EDA: variants seen among roughly 807,000 people sequenced by gnomAD.
EDA encodes ectodysplasin A, also known as ectodysplasin-A.
In EDA, 2 loss-of-function variants were observed where a neutral mutation model predicts 23.6. The ratio of observed to expected loss-of-function variants is 0.08; its 90% confidence interval spans 0.03 to 0.27. EDA has a LOEUF of 0.27. Among genes scored for constraint, EDA ranks in the 10% least tolerant of loss-of-function variants. The pLI is 1.00. For synonymous variants in EDA, 131 were observed against 132.0 expected, an observed-to-expected ratio of 0.99 and a Z score of 0.05; for missense variants, 229 against 324.2, an observed-to-expected ratio of 0.71 and a Z score of 2.26.
At chrX:69,769,043 G>A (rs889081203) in intron 1 of EDA, among the ~76,000 whole-genome samples, 1 of 111,650 alleles carries the variant, frequency 9.0e-6, no homozygotes, top group African/African-American at 3.3e-5. Flanking sequence ...TGGTAATGGA[G>A]CATTCTTTGT....
chrX:70,006,948 A>C (rs1312040270), intron 2 of EDA, among the ~76,000 whole-genome samples: 1 of 110,961 alleles, frequency 9.0e-6, no homozygotes, highest in African/African-American at 3.3e-5. Flanking sequence ...TTTTTGTCAA[A>C]GTTGTCTAGA....
intron 1 of EDA, among the ~76,000 whole-genome samples, chrX:69,940,017 A>G (rs2018733552): frequency 9.0e-6 from 1 of 111,099 alleles, no homozygotes; most frequent in African/African-American, 3.3e-5. Context: ...TTTTGTATCA[A>G]TGTTTATCAG....
intron 1 of EDA, among the ~76,000 whole-genome samples, chrX:69,867,448 T>A (rs766784538): frequency 8.9e-6 from 1 of 112,412 alleles, no homozygotes; most frequent in South Asian, 3.7e-4. Context: ...AATTTTCCAA[T>A]CATGCTTCTT....
At chrX:69,965,229 A>G (rs1463139443) in intron 2 of EDA, among the ~76,000 whole-genome samples, 2 of 111,785 alleles carry the variant, frequency 1.8e-5, no homozygotes, top group African/African-American at 3.3e-5. Context: ...GAGAATATAC[A>G]TGTTGGAAGG....
intron 1 of EDA, among the ~76,000 whole-genome samples, chrX:69,830,914 G>A (rs1021505432): frequency 9.0e-6 from 1 of 111,300 alleles, no homozygotes; most frequent in African/African-American, 3.3e-5. Context: ...AGAGTAGAGG[G>A]TTCCATAGCC....
intron 1 of EDA, among the ~76,000 whole-genome samples, chrX:69,808,073 T>G (rs2015856170): frequency 8.9e-6 from 1 of 111,912 alleles, no homozygotes; most frequent in Non-Finnish European, 1.9e-5. Context: ...TATAAATTTC[T>G]GTGCTGACAG....
At chrX:69,696,547 C>G (rs2011353098) in intron 1 of EDA, among the ~76,000 whole-genome samples, 1 of 111,460 alleles carries the variant, frequency 9.0e-6, no homozygotes, top group Non-Finnish European at 1.9e-5. Context: ...TTCTTCCGTA[C>G]CTCATAGCTT....
chrX:69,871,828 G>A (rs2017570822), intron 1 of EDA, among the ~76,000 whole-genome samples: 3 of 111,995 alleles, frequency 2.7e-5, no homozygotes, highest in Non-Finnish European at 3.8e-5. Flanking sequence ...GATATTTGAG[G>A]AAATAATTGA....
chrX:70,005,108 T>G (rs1362541320), intron 2 of EDA, among the ~76,000 whole-genome samples: 1 of 110,649 alleles, frequency 9.0e-6, no homozygotes, highest in Non-Finnish European at 1.9e-5. Flanking sequence ...GAAAAAAAGG[T>G]GGGGGAAAGC....
chrX:69,991,726 C>A (rs1378498960), intron 2 of EDA, among the ~76,000 whole-genome samples: 1 of 111,668 alleles, frequency 9.0e-6, no homozygotes, highest in Non-Finnish European at 1.9e-5. Context: ...AGCCGGAGAT[C>A]ATTTTCTGTC....
chrX:69,805,348 G>A (rs2015789907), intron 1 of EDA, among the ~76,000 whole-genome samples: 1 of 111,099 alleles, frequency 9.0e-6, no homozygotes, highest in Non-Finnish European at 1.9e-5. Context: ...ACAAAGGTAC[G>A]AAAATATCTG....
At chrX:69,827,982 G>T (rs1406898341) in intron 1 of EDA, among the ~76,000 whole-genome samples, 1 of 110,851 alleles carries the variant, frequency 9.0e-6, no homozygotes, top group Non-Finnish European at 1.9e-5. Flanking sequence ...GTCTGCCCCT[G>T]CTGGGGGGTG....
intron 1 of EDA, among the ~76,000 whole-genome samples, chrX:69,940,262 ATTAT>A (rs1446155428): frequency 9.0e-6 from 1 of 111,114 alleles, no homozygotes; most frequent in East Asian, 2.8e-4. Flanking sequence ...CTTCAATCTC[ATTAT>A]TTGTTATTAG....
intron 1 of EDA, among the ~76,000 whole-genome samples, chrX:69,832,028 G>A (rs1326812965): frequency 1.8e-5 from 2 of 111,497 alleles, no homozygotes; most frequent in African/African-American, 6.5e-5. Context: ...CTGTGCAGAA[G>A]CTCTTTAGTT....
intron 7 of EDA, 49 bp downstream of exon 7, chrX:70,033,577 C>T (rs772793350): frequency 5.7e-5 from 67 of 1,185,592 alleles, no homozygotes; most frequent in Non-Finnish European, 6.9e-5. Context: ...AATGCAGATC[C>T]GGTGCAGGCC....
At position 70,035,602 on chromosome X, in the gene EDA, C is replaced by T; in HGVS notation, c.1169C>T (p.Ala390Val). 3 of 1,207,593 alleles carry T rather than the reference C, an allele frequency of 2.5e-6. No homozygotes were observed. Among genetic ancestry groups the T allele is most frequent in the Non-Finnish European group, 3.4e-6 (3 of 894,597 alleles). The change falls in exon 8 of 8, where the codon GCA (alanine) becomes GTA (valine). Residue 390 changes from alanine (A) to valine (V), a missense_variant. This residue lies in a region of EDA where 175 missense variants were observed against 281.8 expected (regional missense o/e 0.62). Coordinates refer to ENST00000374552, the MANE Select transcript of EDA (RefSeq NM_001399.5). ...FGAIRLGEAP[A>V]S ...GCCATCAGGCTGGGTGAAGCCCCTG[C>T]ATCCTAGATTCCCCCCATTTTGCCT...
intron 1 of EDA, among the ~76,000 whole-genome samples, chrX:69,780,329 A>G: frequency 8.9e-6 from 1 of 111,766 alleles, no homozygotes; most frequent in Non-Finnish European, 1.9e-5. Context: ...CTGTCTTTGT[A>G]GATAAGTGTT....
chrX:69,696,093 G>A (rs1219034615), intron 1 of EDA, among the ~76,000 whole-genome samples: 2 of 110,525 alleles, frequency 1.8e-5, no homozygotes, highest in African/African-American at 6.6e-5. Flanking sequence ...TACAAAATTA[G>A]CTGGGCGTGG....
intron 1 of EDA, among the ~76,000 whole-genome samples, chrX:69,936,649 T>C (rs1286096930): frequency 8.9e-6 from 1 of 111,862 alleles, no homozygotes; most frequent in African/African-American, 3.2e-5. Flanking sequence ...AAACAACATT[T>C]CTGATAAAAC....
Sources: gnomAD v4.1 joint callset for allele counts (sites outside exome capture counted in the v4.1 genomes callset) on GRCh38, gnomAD v4.1.1 for gene constraint, gnomAD v4.1.1 regional missense constraint, MANE v1.5 for transcripts, NCBI Gene and HGNC (gene_info 2026-07-23, HGNC 2026-07-21) for gene names.